SCNN1G: variants seen among roughly 807,000 people sequenced by gnomAD.
The protein encoded by SCNN1G is sodium channel epithelial 1 subunit gamma.
Under a neutral mutation model 64.6 loss-of-function variants are expected in SCNN1G, and 27 were observed. That is an observed-to-expected ratio of 0.42 (90% CI 0.31 to 0.58). SCNN1G has a LOEUF of 0.58. Among genes scored for constraint, SCNN1G ranks in the 20% least tolerant of loss-of-function variants. SCNN1G has a pLI of 0.18. For synonymous variants in SCNN1G, 330 were observed against 314.2 expected, an observed-to-expected ratio of 1.05 and a Z score of -0.53; for missense variants, 743 against 823.4, an observed-to-expected ratio of 0.90 and a Z score of 1.19.
intron 6 of SCNN1G, among the ~76,000 whole-genome samples, chr16:23,209,091 G>A (rs960765517): frequency 3.3e-5 from 5 of 152,056 alleles, no homozygotes; most frequent in African/African-American, 1.2e-4. Flanking sequence ...CTTGCTTCAA[G>A]CCTTTCCTGT....
intron 6 of SCNN1G, among the ~76,000 whole-genome samples, chr16:23,204,708 T>A (rs1187627757): frequency 6.6e-6 from 1 of 152,040 alleles, no homozygotes; most frequent in African/African-American, 2.4e-5. Context: ...GTCTTTGTTT[T>A]CTTCTTTAAT....
At chr16:23,208,884 G>A (rs1596775416) in intron 6 of SCNN1G, among the ~76,000 whole-genome samples, 1 of 151,824 alleles carries the variant, frequency 6.6e-6, no homozygotes, top group African/African-American at 2.4e-5. Context: ...TTACATGCAT[G>A]AGCCACTGAG....
intron 6 of SCNN1G, among the ~76,000 whole-genome samples, chr16:23,205,252 A>G (rs1451368222): frequency 6.6e-6 from 1 of 152,124 alleles, no homozygotes; most frequent in Non-Finnish European, 1.5e-5. Context: ...TTTAGGGGTG[A>G]ATGACCATTG....
chr16:23,199,629 C>A (rs1596769307), intron 6 of SCNN1G, among the ~76,000 whole-genome samples: 1 of 131,108 alleles, frequency 7.6e-6, no homozygotes, highest in Non-Finnish European at 1.7e-5. Flanking sequence ...TAATTTCATT[C>A]TTTCATAATG....
rs780147849 is a variant in SCNN1G at position 23,215,275 on chromosome 16, C to T, written c.1756C>T (p.Arg586Cys). Reference protein sequence around the residue: ...KQAPPCPEAPRSPQGQDNPAL... With the variant: ...KQAPPCPEAPCSPQGQDNPAL... ...GGCTCCCCCATGTCCAGAAGCTCCC[C>T]GTAGCCCACAGGGCCAGGACAATCC... is the stretch of plus-strand genomic sequence containing the variant. The change falls in exon 13 of 13, where the codon CGT becomes TGT. Residue 586 changes from arginine (R) to cysteine (C), a missense_variant. Physicochemically the swap from Arg to Cys is radical, Grantham distance 180 (BLOSUM62 -3). Coordinates refer to ENST00000300061, the MANE Select transcript of SCNN1G (RefSeq NM_001039.4). 38 of 1,614,046 alleles carry T rather than the reference C, an allele frequency of 2.4e-5. No individual in the cohort carries two copies. The highest frequency in any genetic ancestry group is 4.4e-5 in the South Asian group (4 of 91,084).
At chr16:23,208,446 G>T (rs1321266137) in intron 6 of SCNN1G, among the ~76,000 whole-genome samples, 1 of 152,090 alleles carries the variant, frequency 6.6e-6, no homozygotes, top group Non-Finnish European at 1.5e-5. Flanking sequence ...ATTCTACTCT[G>T]TTGAGCTTTC....
Position 23,212,257 on chromosome 16 carries a change from GAGGTATTGGT to G in SCNN1G, c.1294+107_1294+116del, listed in dbSNP as rs2141944780. On this transcript the variant is annotated intron_variant, in intron 8 of 12. Coordinates refer to ENST00000300061, the MANE Select transcript of SCNN1G (RefSeq NM_001039.4). ...CACCCCTGTTGCCTTTTGCGTGAGG[GAGGTATTGGT>G]TGAGAGCCATTAACTAGAGTTTTAC... 5.1e-6 allele frequency: 4 copies of G among 787,480 alleles called. No homozygotes were observed. The South Asian group carries it at 5.5e-5, about 11-fold the overall frequency. The allele number at this position is 787,480 out of a possible 1,614,324, so 48.8% of individuals were successfully genotyped here.
At position 23,196,766 on chromosome 16, in the gene SCNN1G, G is replaced by A. The variant is rs188731611; in HGVS notation, c.914-498G>A. Among the ~76,000 whole-genome samples, 281 of 152,274 alleles carry A rather than the reference G, an allele frequency of 1.8e-3. 2 individuals carry two copies. The highest frequency in any genetic ancestry group is 0.01 in the Middle Eastern group (3 of 294). On this transcript the variant is annotated intron_variant, in intron 5 of 12. Transcript: ENST00000300061. ...TAGTTCCCATGTGCACTGATACTGT[G>A]TTTACTCTGGTGCTGTGTCCGCATA...
chr16:23,212,768 C>G lies in SCNN1G; in HGVS notation c.1373+12C>G. 1 of 1,613,958 alleles carries G rather than the reference C, an allele frequency of 6.2e-7. No homozygotes were observed. The highest frequency in any genetic ancestry group is 8.5e-7 in the Non-Finnish European group (1 of 1,179,842). ...AAGGAAGCCTGCAGGTATGTGGACC[C>G]CAAGGGGTGAGACGGGTGGCTGGGT... On this transcript the variant is annotated intron_variant, in intron 9 of 12. Coordinates refer to ENST00000300061, the MANE Select transcript of SCNN1G (RefSeq NM_001039.4).
Position 23,215,302 on chromosome 16 carries a change from G to A in SCNN1G, c.1783G>A (p.Ala595Thr). ...PRSPQGQDNPALDIDDDLPTF... is the reference protein window; with the variant it reads ...PRSPQGQDNPTLDIDDDLPTF... ...TAGCCCACAGGGCCAGGACAATCCA[G>A]CCCTGGATATAGACGATGACCTACC... is the stretch of plus-strand genomic sequence containing the variant. Residue 595 changes from alanine (A) to threonine (T), a missense_variant, in exon 13 of 13, where the codon GCC becomes ACC. Ala to Thr is a moderately conservative substitution (Grantham distance 58). Transcript: ENST00000300061. The A allele has an allele frequency of 6.2e-7, 1 of 1,614,162 alleles. No homozygotes were observed. Among genetic ancestry groups the A allele is most frequent in the Non-Finnish European group, 8.5e-7 (1 of 1,180,028 alleles).
intron 6 of SCNN1G, among the ~76,000 whole-genome samples, chr16:23,206,546 T>G (rs1959994152): frequency 6.6e-6 from 1 of 152,032 alleles, no homozygotes; most frequent in South Asian, 2.1e-4. Context: ...GCCCAGGAGG[T>G]CAAGGCTGCC....
intron 11 of SCNN1G, among the ~76,000 whole-genome samples, chr16:23,214,346 TATC>T (rs1432667098): frequency 6.6e-6 from 1 of 152,250 alleles, no homozygotes; most frequent in African/African-American, 2.4e-5. Flanking sequence ...TTGTGCCTAT[TATC>T]ATATTACCTC....
At chr16:23,212,645 A>G (rs762896700) in intron 8 of SCNN1G, 33 bp from the exon 9 acceptor site, 1 of 1,579,536 alleles carries the variant, frequency 6.3e-7, no homozygotes, top group East Asian at 2.2e-5. Flanking sequence ...CTGTGGCTCC[A>G]AAGCTCATGC....
intron 1 of SCNN1G, among the ~76,000 whole-genome samples, chr16:23,185,780 C>G (rs1959595917): frequency 6.6e-6 from 1 of 152,188 alleles, no homozygotes; most frequent in Non-Finnish European, 1.5e-5. Context: ...GTGCCAGACA[C>G]TGTGCTAGGA....
intron 8 of SCNN1G, 75 bp from the exon 9 acceptor site, chr16:23,212,603 C>G (rs997425295): frequency 3.5e-6 from 4 of 1,130,948 alleles, no homozygotes; most frequent in African/African-American, 1.5e-5. Flanking sequence ...GCGGGGCTGT[C>G]CTTGGTGACC....
chr16:23,189,290 A>T (rs1959664539), intron 2 of SCNN1G, 81 bp from the exon 3 acceptor site: 1 of 1,439,754 alleles, frequency 6.9e-7, no homozygotes. Flanking sequence ...ACACGTGTTG[A>T]TGGAAAACAG....
chr16:23,200,758 G>A (rs1959875398), intron 6 of SCNN1G, among the ~76,000 whole-genome samples: 1 of 152,218 alleles, frequency 6.6e-6, no homozygotes, highest in African/African-American at 2.4e-5. Context: ...CTGACCTGGG[G>A]CTCATTTTCA....
At chr16:23,211,395 G>A (rs1960076918) in intron 7 of SCNN1G, among the ~76,000 whole-genome samples, 1 of 152,200 alleles carries the variant, frequency 6.6e-6, no homozygotes, top group Admixed American at 6.5e-5. Flanking sequence ...ATTTCTCTCT[G>A]TTTCTTGACA....
intron 6 of SCNN1G, 87 bp from the exon 7 acceptor site, chr16:23,209,663 C>A: frequency 1.0e-6 from 1 of 965,714 alleles, no homozygotes; most frequent in Non-Finnish European, 1.7e-6. Flanking sequence ...GGGCTGCTTG[C>A]AAAGTCCCCT....
Sources: gnomAD v4.1 joint callset for allele counts (sites outside exome capture counted in the v4.1 genomes callset) on GRCh38, gnomAD v4.1.1 for gene constraint, MANE v1.5 for transcripts, NCBI Gene and HGNC (gene_info 2026-07-23, HGNC 2026-07-21) for gene names.